COL6A2: variants seen among roughly 807,000 people sequenced by gnomAD.
COL6A2 encodes the protein collagen type VI alpha 2 chain.
In COL6A2, 90 loss-of-function variants were observed where a neutral mutation model predicts 124.9. The ratio of observed to expected loss-of-function variants is 0.72; its 90% CI spans 0.61 to 0.86. The LOEUF (loss-of-function observed/expected upper bound fraction) is 0.86, where lower values mean the gene tolerates loss of function less well. Among genes scored for constraint, COL6A2 ranks in the 40% least tolerant of loss-of-function variants. COL6A2 has a pLI of 0.00. For synonymous variants in COL6A2, 793 were observed against 618.2 expected, an observed-to-expected ratio of 1.28 and a Z score of -4.19; for missense variants, 1,607 against 1,502.5, an observed-to-expected ratio of 1.07 and a Z score of -1.15.
At position 46,112,010 on chromosome 21, in the gene COL6A2, C is replaced by A; in HGVS notation, c.147C>A (p.Phe49Leu). 2 of 1,612,712 alleles carry A rather than the reference C, an allele frequency of 1.2e-6. No homozygotes were observed. Among genetic ancestry groups the A allele is most frequent in the East Asian group, 2.2e-5 (1 of 44,872 alleles). The stretch of plus-strand genomic sequence containing the variant: ...CCGACTGCCCCATCCACGTGTACTT[C>A]GTGCTGGACACCTCGGAGAGCGTCA... ...EKTDCPIHVY[F>L]VLDTSESVTM... Residue 49 changes from phenylalanine to leucine, a missense_variant, in exon 3 of 28, where the codon TTC becomes TTA. By Grantham distance (22) the Phe-to-Leu change is conservative. Transcript: ENST00000300527.
intron 27 of COL6A2, among the ~76,000 whole-genome samples, chr21:46,131,471 A>G (rs1400856284): frequency 6.6e-6 from 1 of 152,098 alleles, no homozygotes; most frequent in Non-Finnish European, 1.5e-5. Context: ...TCTTTCCGGG[A>G]GGGACGTGGC....
chr21:46,107,844 G>T (rs549188412), intron 1 of COL6A2, among the ~76,000 whole-genome samples: 2 of 152,198 alleles, frequency 1.3e-5, no homozygotes, highest in South Asian at 4.1e-4. Context: ...GTATTTGATT[G>T]ATGTCTCATG....
intron 27 of COL6A2, chr21:46,129,243 G>T (rs1283589583): frequency 1.2e-6 from 2 of 1,612,822 alleles, no homozygotes; most frequent in African/African-American, 1.3e-5. Context: ...CCTCCGCACG[G>T]AAGAGGGGCC....
intron 21 of COL6A2, 84 bp from the exon 22 acceptor site, chr21:46,124,567 G>A: frequency 7.4e-7 from 1 of 1,346,004 alleles, no homozygotes; most frequent in East Asian, 2.3e-5. Context: ...AGGACCCGTG[G>A]TTGGGGACAG....
rs9980548 is a variant in COL6A2 at position 46,126,916 on chromosome 21, T to G, written c.2461+375T>G. On this transcript the variant is annotated intron_variant, in intron 27 of 27. Coordinates refer to ENST00000300527, the MANE Select transcript of COL6A2 (RefSeq NM_001849.4). ...CACTCGGAGGAAGCCCTGGATTCAG[T>G]GAGTGAAACCATCCCGGGGTGGAAG... is the stretch of plus-strand genomic sequence containing the variant. Among the ~76,000 whole-genome samples the G allele has an allele frequency of 3.6e-3, 547 of 152,154 alleles. 2 individuals are homozygous for G. Among genetic ancestry groups the G allele is most frequent in the African/African-American group, 0.013 (520 of 41,520 alleles).
rs1329172134 is a variant in COL6A2 at position 46,132,508 on chromosome 21, G to T, written c.3016G>T (p.Ala1006Ser). 1 of 1,607,096 alleles carries T rather than the reference G, an allele frequency of 6.2e-7. No homozygotes were observed. The highest frequency in any genetic ancestry group is 8.5e-7 in the Non-Finnish European group (1 of 1,179,384). Residue 1006 changes from alanine (A) to serine (S), a missense_variant, in exon 28 of 28, where the codon GCG becomes TCG. Ala to Ser is a moderately conservative substitution (Grantham distance 99). Around this residue, in one of 3 missense-constraint regions of COL6A2, gnomAD observed 1,223 missense variants for 1,052.2 expected, o/e 1.16. Transcript: ENST00000300527. ...VFHEKDYDSLAQPGFFDRFIR... is the reference protein window; with the variant it reads ...VFHEKDYDSLSQPGFFDRFIR... ...CCACGAGAAGGACTATGACAGCCTG[G>T]CGCAACCCGGCTTCTTCGACCGCTT...
In COL6A2 at chr21:46,124,541, C is replaced by T. The variant is rs1019204091; in HGVS notation, c.1672-110C>T. On this transcript the variant is annotated intron_variant, in intron 21 of 27. Coordinates refer to ENST00000300527, the MANE Select transcript of COL6A2 (RefSeq NM_001849.4). ...TCTTACTCCTTGCACCTGTTAGCCC[C>T]CCCCCCCGCCAAGGGAGGACCCGTG... The T allele has an allele frequency of 5.6e-4, 513 of 923,440 alleles. 5 individuals are homozygous for T. Among genetic ancestry groups the T allele is most frequent in the Middle Eastern group, 9.0e-4 (3 of 3,324 alleles). The allele number at this position is 923,440 out of a possible 1,614,324, so 57.2% of individuals were successfully genotyped here.
intron 1 of COL6A2, among the ~76,000 whole-genome samples, chr21:46,105,232 A>T (rs1277427686): frequency 6.6e-6 from 1 of 152,120 alleles, no homozygotes; most frequent in East Asian, 1.9e-4. Context: ...AAATATTTTT[A>T]AAAATCGACC....
intron 27 of COL6A2, 83 bp downstream of exon 27, chr21:46,126,624 AG>A (rs2078674077): frequency 7.0e-7 from 1 of 1,435,444 alleles, no homozygotes. Flanking sequence ...GGGCTGGGGG[AG>A]GGGCCGTGCA....
rs41353548 is a variant in COL6A2 at position 46,116,252 on chromosome 21, G to A, written c.901-125G>A. 0.011 allele frequency: 13,382 copies of A among 1,261,690 alleles called. 1,073 individuals are homozygous for A. In the African/African-American group the frequency reaches 0.17, roughly 16 times the overall value. 78.2% of individuals were successfully genotyped at this position (1,261,690 alleles called of 1,614,324 possible). On this transcript the variant is annotated intron_variant, in intron 7 of 27. Coordinates refer to ENST00000300527, the MANE Select transcript of COL6A2 (RefSeq NM_001849.4). This position sits in a 1 kb window ranked among gnomAD's most constrained non-coding sequence, Gnocchi z 4.6. Reference sequence around the variant, plus strand: ...CAGGGCTCAGCCTCCTCCGCAGACTGTTTGTCGAGAACACTAGATGCCAGC... The same window carrying A: ...CAGGGCTCAGCCTCCTCCGCAGACTATTTGTCGAGAACACTAGATGCCAGC...
intron 16 of COL6A2, 120 bp downstream of exon 16, chr21:46,120,697 G>A: frequency 2.1e-6 from 2 of 973,712 alleles, no homozygotes; most frequent in Non-Finnish European, 3.0e-6. Flanking sequence ...GGTGGGTGCT[G>A]CACCCCAAGG....
chr21:46,122,003 CT>C (rs1193936430), intron 18 of COL6A2, 104 bp from the exon 19 acceptor site: 39 of 1,240,832 alleles, frequency 3.1e-5, no homozygotes, highest in Non-Finnish European at 3.3e-5. Context: ...GACGGCACCC[CT>C]AGCCCACTTC....
intron 26 of COL6A2, 101 bp downstream of exon 26, chr21:46,126,338 C>T (rs2078667381): frequency 6.6e-7 from 1 of 1,512,818 alleles, no homozygotes; most frequent in Non-Finnish European, 9.1e-7. Flanking sequence ...GATGAATGTG[C>T]AGCCCAGGAT....
chr21:46,118,967 C>T, intron 13 of COL6A2, 63 bp from the exon 14 acceptor site: 2 of 1,294,722 alleles, frequency 1.5e-6, no homozygotes, highest in Non-Finnish European at 2.2e-6. Flanking sequence ...ACACACCGCA[C>T]AGGCGTGACC....
At position 46,132,380 on chromosome 21, in the gene COL6A2, C is replaced by T. The variant is rs773424100; in HGVS notation, c.2888C>T (p.Ser963Phe). The T allele has an allele frequency of 1.2e-6, 2 of 1,609,356 alleles. No homozygotes were observed. The highest frequency in any genetic ancestry group is 2.7e-5 in the African/African-American group (2 of 74,922). The change falls in exon 28 of 28, where the codon TCC becomes TTC. Residue 963 changes from serine to phenylalanine, a missense_variant. Around this residue, in one of 3 missense-constraint regions of COL6A2, gnomAD observed 1,223 missense variants for 1,052.2 expected, o/e 1.16. Transcript: ENST00000300527. ...GACAGTCTGCACGAGTCGGCGCACTCCATGCGCAAGCAGAACGTGGTACCC... is the reference window on the plus strand; with the variant it reads ...GACAGTCTGCACGAGTCGGCGCACTTCATGCGCAAGCAGAACGTGGTACCC... The part of the protein sequence containing the change: ...GNDSLHESAH[S>F]MRKQNVVPTV...
rs372485976 is a variant in COL6A2 at position 46,122,544 on chromosome 21, C to A, written c.1608+13C>A. ...ACGCGGCCCCGAGGTATGTGTGGGTCCTGGCCACCTGTGCCCACCCAGGGT... is the reference window on the plus strand; with the variant it reads ...ACGCGGCCCCGAGGTATGTGTGGGTACTGGCCACCTGTGCCCACCCAGGGT... On this transcript the variant is annotated intron_variant, in intron 20 of 27. Coordinates refer to ENST00000300527, the MANE Select transcript of COL6A2 (RefSeq NM_001849.4). 1 of 1,612,526 alleles carries A rather than the reference C, an allele frequency of 6.2e-7. No homozygotes were observed. Among genetic ancestry groups the A allele is most frequent in the Non-Finnish European group, 8.5e-7 (1 of 1,179,884 alleles).
At chr21:46,105,529 T>C (rs903755308) in intron 1 of COL6A2, among the ~76,000 whole-genome samples, 1 of 152,256 alleles carries the variant, frequency 6.6e-6, no homozygotes, top group African/African-American at 2.4e-5. Flanking sequence ...ACATTATGCT[T>C]TTGGACACAT....
At chr21:46,098,456 T>TA (rs562300324) in intron 1 of COL6A2, among the ~76,000 whole-genome samples, 1 of 150,918 alleles carries the variant, frequency 6.6e-6, no homozygotes, top group Non-Finnish European at 1.5e-5. Flanking sequence ...CTGGGCGGGG[T>TA]GGGGGGGTCC....
chr21:46,121,192 C>T lies in COL6A2; in HGVS notation c.1458+69C>T, dbSNP rs557470747. 108 of 1,456,024 alleles carry T rather than the reference C, an allele frequency of 7.4e-5. No individual in the cohort carries two copies. In the South Asian group the frequency reaches 1.2e-3, roughly 16 times the overall value. The allele number at this position is 1,456,024 out of a possible 1,614,324, so 90.2% of individuals were successfully genotyped here. A position where few individuals can be genotyped will look rare whatever the true frequency, so the allele number is the denominator to read the frequency against. ...TGGGTCTCCCCTATCCATGTGGGGA[C>T]AGCCTGGAGCTAGCCACTGTCCCCA... On this transcript the variant is annotated intron_variant, in intron 17 of 27. Coordinates refer to ENST00000300527, the MANE Select transcript of COL6A2 (RefSeq NM_001849.4).
Sources: allele counts gnomAD v4.1 joint callset (sites outside exome capture counted in the v4.1 genomes callset), GRCh38; gene constraint gnomAD v4.1.1; regional missense constraint gnomAD v4.1.1; non-coding constraint Gnocchi (gnomAD v3.1); transcripts MANE v1.5; gene names NCBI Gene and HGNC (gene_info 2026-07-23, HGNC 2026-07-21).